Variants in WWC1 observed in about 807,000 individuals in gnomAD.
WWC1 encodes the protein WW and C2 domain containing 1.
Under a neutral mutation model 138.4 loss-of-function variants are expected in WWC1, and 55 were observed. The observed-to-expected ratio is 0.40, with a 90% CI of 0.32 to 0.50. The LOEUF (loss-of-function observed/expected upper bound fraction) is 0.50, where lower values mean the gene tolerates loss of function less well. Among genes scored for constraint, WWC1 ranks in the 20% least tolerant of loss-of-function variants. WWC1 has a pLI of 0.72. For synonymous variants in WWC1, 524 were observed against 564.9 expected, an observed-to-expected ratio of 0.93 and a Z score of 1.03; for missense variants, 1,226 against 1,420.4, an observed-to-expected ratio of 0.86 and a Z score of 2.20.
intron 1 of WWC1, among the ~76,000 whole-genome samples, chr5:168,329,584 G>A (rs1246207899): frequency 5.9e-5 from 9 of 152,186 alleles, no homozygotes; most frequent in Admixed American, 5.2e-4. Context: ...GGAGGAAGGG[G>A]AGTGTTTATA....
Position 168,441,844 on chromosome 5 carries a change from G to C in WWC1, c.2433+10G>C. On this transcript the variant is annotated intron_variant, in intron 16 of 22. Transcript: ENST00000265293. Reference sequence around the variant, plus strand: ...AGGGCCTGCCAGCACGGTGAGCTGGGACCAGGTGTGCCACCTTCCCACAAG... The same window carrying C: ...AGGGCCTGCCAGCACGGTGAGCTGGCACCAGGTGTGCCACCTTCCCACAAG... 1.9e-6 allele frequency: 3 copies of C among 1,611,614 alleles called. No individual in the cohort carries two copies. Among genetic ancestry groups the C allele is most frequent in the Non-Finnish European group, 2.5e-6 (3 of 1,178,804 alleles).
intron 1 of WWC1, among the ~76,000 whole-genome samples, chr5:168,333,922 T>C (rs1339411073): frequency 6.6e-6 from 1 of 151,914 alleles, no homozygotes; most frequent in Non-Finnish European, 1.5e-5. Flanking sequence ...TCTTAAAGTC[T>C]ACTCTCCCTG....
intron 5 of WWC1, among the ~76,000 whole-genome samples, chr5:168,405,247 T>G (rs980369163): frequency 6.6e-6 from 1 of 152,208 alleles, no homozygotes; most frequent in Non-Finnish European, 1.5e-5. Context: ...TAAAGACTGG[T>G]TCTTGACCAG....
intron 17 of WWC1, among the ~76,000 whole-genome samples, chr5:168,452,423 C>T (rs911855863): frequency 2.0e-5 from 3 of 152,148 alleles, no homozygotes; most frequent in African/African-American, 7.2e-5. Flanking sequence ...TATTTGGACA[C>T]ACAGACACCA....
At chr5:168,406,733 A>G (rs1042471226) in intron 6 of WWC1, among the ~76,000 whole-genome samples, 1 of 151,928 alleles carries the variant, frequency 6.6e-6, no homozygotes, top group Non-Finnish European at 1.5e-5. Context: ...TGGGGTCAGG[A>G]GATCGAGACC....
At chr5:168,449,264 G>A (rs549333560) in intron 17 of WWC1, among the ~76,000 whole-genome samples, 9 of 152,104 alleles carry the variant, frequency 5.9e-5, no homozygotes, top group African/African-American at 1.9e-4. Flanking sequence ...TCTCATCTTG[G>A]AATATTGAGA....
At chr5:168,318,658 C>T (rs1397188736) in intron 1 of WWC1, among the ~76,000 whole-genome samples, 1 of 150,934 alleles carries the variant, frequency 6.6e-6, no homozygotes, top group Non-Finnish European at 1.5e-5. Context: ...CTCCTGGGTT[C>T]AAGCTATTCT....
intron 1 of WWC1, among the ~76,000 whole-genome samples, chr5:168,364,448 C>T (rs11960586): frequency 0.17 from 25,275 of 152,154 alleles, 2,424 homozygotes; most frequent in Non-Finnish European, 0.22. Flanking sequence ...TGGCTCAGGC[C>T]GCGGGTAGCG....
intron 1 of WWC1, among the ~76,000 whole-genome samples, chr5:168,349,923 G>T (rs1217389064): frequency 6.6e-6 from 1 of 152,132 alleles, no homozygotes; most frequent in African/African-American, 2.4e-5. Flanking sequence ...AAGAAGGATG[G>T]TTATCTGCAT....
intron 1 of WWC1, among the ~76,000 whole-genome samples, chr5:168,345,386 C>G (rs1447301555): frequency 6.6e-6 from 1 of 152,218 alleles, no homozygotes; most frequent in East Asian, 1.9e-4. Context: ...GGTGAGCTAC[C>G]ATGCCAGGCC....
intron 1 of WWC1, among the ~76,000 whole-genome samples, chr5:168,325,148 G>C (rs1338200681): frequency 1.3e-5 from 2 of 152,212 alleles, no homozygotes; most frequent in Non-Finnish European, 2.9e-5. Context: ...GCATAGCATT[G>C]AGACCACGTG....
At position 168,460,723 on chromosome 5, in the gene WWC1, G is replaced by A. The variant is rs751662576; in HGVS notation, c.2897G>A (p.Arg966His). 5 of 1,614,156 alleles carry A rather than the reference G, an allele frequency of 3.1e-6. No homozygotes were observed. The highest frequency in any genetic ancestry group is 1.1e-5 in the South Asian group (1 of 91,078). Residue 966 changes from arginine to histidine, a missense_variant, in exon 20 of 23, where the codon CGC becomes CAC. Physicochemically the swap from Arg to His is conservative, Grantham distance 29. Around this residue, in one of 3 missense-constraint regions of WWC1, gnomAD observed 206 missense variants for 247.4 expected, o/e 0.83. Coordinates refer to ENST00000265293, the MANE Select transcript of WWC1 (RefSeq NM_015238.3). Reference protein sequence around the residue: ...PPFVRNSLERRSVRMKRPSSV... With the variant: ...PPFVRNSLERHSVRMKRPSSV... ...TTTGTTCGAAACTCCCTGGAGCGACGCAGCGTCCGGATGAAGCGGGTAAGA... is the reference window on the plus strand; with the variant it reads ...TTTGTTCGAAACTCCCTGGAGCGACACAGCGTCCGGATGAAGCGGGTAAGA...
intron 1 of WWC1, among the ~76,000 whole-genome samples, chr5:168,341,075 C>A (rs1461163559): frequency 3.3e-5 from 5 of 152,164 alleles, no homozygotes; most frequent in Non-Finnish European, 7.3e-5. Flanking sequence ...GCAGACATGT[C>A]CCTGTCCTTG....
intron 20 of WWC1, among the ~76,000 whole-genome samples, chr5:168,462,296 G>A (rs1485131263): frequency 6.6e-6 from 1 of 152,138 alleles, no homozygotes; most frequent in Non-Finnish European, 1.5e-5. Flanking sequence ...GAGTGTGCGG[G>A]TGTGGGAGAA....
At chr5:168,414,836 G>A (rs1780482276) in intron 9 of WWC1, 2 of 521,980 alleles carry the variant, frequency 3.8e-6, no homozygotes, top group Non-Finnish European at 6.6e-6. Context: ...AGGTGCAGGT[G>A]TTCAAAAATG....
At chr5:168,403,320 A>G (rs1384643077) in intron 5 of WWC1, among the ~76,000 whole-genome samples, 3 of 152,076 alleles carry the variant, frequency 2.0e-5, no homozygotes, top group Middle Eastern at 6.8e-3. Flanking sequence ...GATGGTCTCG[A>G]TCTCCTGACT....
chr5:168,339,725 G>A (rs114899632), intron 1 of WWC1, among the ~76,000 whole-genome samples: 5,716 of 152,220 alleles, frequency 0.038, 152 homozygotes, highest in African/African-American at 0.071. Context: ...ACATAGTCTA[G>A]GTAACAAACA....
chr5:168,349,581 A>C lies in WWC1; in HGVS notation c.120-21843A>C, dbSNP rs183683082. 3.5e-3 allele frequency among the ~76,000 whole-genome samples: 529 copies of C among 152,294 alleles called. 8 individuals carry two copies. The highest frequency in any genetic ancestry group is 0.012 in the African/African-American group (510 of 41,570). ...GAGCATCTGTAACAAGGACTTGCTC[A>C]AGGGCACACAGTCGGTAAGTGGCCA... On this transcript the variant is annotated intron_variant, in intron 1 of 22. Transcript: ENST00000265293.
chr5:168,419,992 G>A (rs955169295), intron 9 of WWC1, among the ~76,000 whole-genome samples: 9 of 152,138 alleles, frequency 5.9e-5, no homozygotes, highest in Admixed American at 6.5e-5. Context: ...GTGACATTCC[G>A]TCACATCCAC....
Sources: allele counts gnomAD v4.1 joint callset (sites outside exome capture counted in the v4.1 genomes callset), GRCh38; gene constraint gnomAD v4.1.1; regional missense constraint gnomAD v4.1.1; transcripts MANE v1.5; gene names NCBI Gene and HGNC (gene_info 2026-07-23, HGNC 2026-07-21).